Variants in SUMF1 observed in about 807,000 individuals in gnomAD.
The protein encoded by SUMF1 is formylglycine-generating enzyme.
SUMF1 carries 48 observed loss-of-function variants against 47.6 expected under a neutral mutation model. That is an observed-to-expected ratio of 1.01 (90% CI 0.80 to 1.28). The LOEUF is 1.28. Ranked by LOEUF, SUMF1 falls within the 50% of genes most tolerant of loss-of-function variation. The pLI is 0.00. For missense variants in SUMF1, 571 were observed against 485.4 expected (o/e 1.18, Z -1.66); for synonymous variants, 230 against 192.1 (o/e 1.20, Z -1.63).
intron 8 of SUMF1, among the ~76,000 whole-genome samples, chr3:4,136,369 G>A (rs1693932101): frequency 6.6e-6 from 1 of 152,238 alleles, no homozygotes; most frequent in South Asian, 2.1e-4. Context: ...AAGCAATGGG[G>A]AAAGGACTCC....
chr3:4,467,010 G>T lies in SUMF1; in HGVS notation c.236C>A (p.Pro79His). 1.3e-6 allele frequency: 2 copies of T among 1,595,514 alleles called. No individual in the cohort carries two copies. Among genetic ancestry groups the T allele is most frequent in the East Asian group, 2.3e-5 (1 of 44,104 alleles). The change falls in exon 1 of 9, where the codon CCC (proline) becomes CAC (histidine). Residue 79 changes from proline to histidine, a missense_variant. By Grantham distance (77) the Pro-to-His change is moderately conservative. Transcript: ENST00000272902. ...CGCGAGTTGCCGCTCTCCGGGTACG[G>T]GGCCCGGAGCGTTAGCCTCCCGCGA... ...RYSREANAPG[P>H]VPGERQLAHS...
chr3:4,268,499 C>CTT (rs61066874), intron 8 of SUMF1, among the ~76,000 whole-genome samples: 53 of 117,286 alleles, frequency 4.5e-4, no homozygotes, highest in African/African-American at 1.3e-3. Flanking sequence ...AAATGTTTTT[C>CTT]TTTTTTTTTT....
chr3:4,167,285 G>A (rs1234018537), intron 8 of SUMF1, among the ~76,000 whole-genome samples: 2 of 152,224 alleles, frequency 1.3e-5, no homozygotes, highest in South Asian at 2.1e-4. Flanking sequence ...GCTGGCTGGG[G>A]TGGCCAGCTT....
intron 8 of SUMF1, among the ~76,000 whole-genome samples, chr3:4,167,073 C>A (rs183147029): frequency 6.6e-6 from 1 of 152,110 alleles, no homozygotes; most frequent in Non-Finnish European, 1.5e-5. Context: ...GGATAAGCCC[C>A]CAAGATGTGT....
intron 8 of SUMF1, among the ~76,000 whole-genome samples, chr3:4,209,060 T>C (rs1695717862): frequency 6.6e-6 from 1 of 152,158 alleles, no homozygotes; most frequent in Non-Finnish European, 1.5e-5. Flanking sequence ...GTAGAATCAG[T>C]ATGATTTCTT....
At chr3:4,134,462 C>A (rs1693871636) in intron 8 of SUMF1, among the ~76,000 whole-genome samples, 2 of 152,060 alleles carry the variant, frequency 1.3e-5, no homozygotes, top group African/African-American at 4.8e-5. Flanking sequence ...GGGACACATT[C>A]AAAGCAGTGT....
In SUMF1 at chr3:4,361,874, C is replaced by T; in HGVS notation, c.*270G>A. On this transcript the variant is annotated 3_prime_UTR_variant, in exon 9 of 9. Coordinates refer to ENST00000272902, the MANE Select transcript of SUMF1 (RefSeq NM_182760.4). Reference sequence around the variant, plus strand: ...AGGACGCGGGCCTCCTGAAGCCTAGCTCAGGGTTCCCTCCACTCCCCTTCC... The same window carrying T: ...AGGACGCGGGCCTCCTGAAGCCTAGTTCAGGGTTCCCTCCACTCCCCTTCC... The T allele has an allele frequency of 2.3e-6, 1 of 440,866 alleles. No homozygotes were observed. Among genetic ancestry groups the T allele is most frequent in the Non-Finnish European group, 4.2e-6 (1 of 236,506 alleles). 27.3% of individuals were successfully genotyped at this position (440,866 alleles called of 1,614,324 possible). A position where few individuals can be genotyped will look rare whatever the true frequency, so the allele number is the denominator to read the frequency against.
At chr3:4,355,065 TGACGCCG>T (rs1299524880) in intron 8 of SUMF1, among the ~76,000 whole-genome samples, 1 of 152,164 alleles carries the variant, frequency 6.6e-6, no homozygotes, top group Non-Finnish European at 1.5e-5. Flanking sequence ...TTAAAGACAG[TGACGCCG>T]GACACAGTGG....
chr3:4,394,632 C>T (rs187069398), intron 7 of SUMF1, among the ~76,000 whole-genome samples: 14 of 152,274 alleles, frequency 9.2e-5, no homozygotes, highest in African/African-American at 3.4e-4. Context: ...TTATGTTTCT[C>T]GTTAGGATGT....
chr3:4,342,596 G>C (rs1183803692), intron 8 of SUMF1, among the ~76,000 whole-genome samples: 3 of 152,116 alleles, frequency 2.0e-5, no homozygotes, highest in East Asian at 1.9e-4. Context: ...TATATGGCTG[G>C]TTTCACATTT....
rs768223638 is a variant in SUMF1 at position 4,452,930 on chromosome 3, T to C, written c.390A>G (p.Glu130=). ...ACTTCTCAAATTCAGTATTACTGAC[T>C]TCATAGGCATCCATGTAAAAGGCAT... ...TIDAFYMDAY[E]VSNTEFEKFV... The change falls in exon 2 of 9, where the codon GAA becomes GAG. Residue 130 remains glutamate, a synonymous_variant. Transcript: ENST00000272902. The C allele has an allele frequency of 3.7e-6, 6 of 1,614,216 alleles. No homozygotes were observed. The highest frequency in any genetic ancestry group is 1.1e-5 in the South Asian group (1 of 91,084).
intron 3 of SUMF1, among the ~76,000 whole-genome samples, chr3:4,438,520 C>T (rs1016883234): frequency 6.6e-6 from 1 of 152,212 alleles, no homozygotes; most frequent in African/African-American, 2.4e-5. Context: ...GACCTGCCTT[C>T]AGCAAGAATC....
chr3:4,415,244 AACAG>A (rs1476955398), intron 6 of SUMF1, among the ~76,000 whole-genome samples: 9 of 151,542 alleles, frequency 5.9e-5, no homozygotes, highest in South Asian at 2.1e-4. Context: ...AAAAAAAAAA[AACAG>A]ACAGAAAAAT....
chr3:4,313,101 C>A, intron 8 of SUMF1: 1 of 1,614,002 alleles, frequency 6.2e-7, no homozygotes, highest in South Asian at 1.1e-5. Flanking sequence ...AATGCAATGT[C>A]CTGTGCCGAT....
intron 3 of SUMF1, among the ~76,000 whole-genome samples, chr3:4,433,805 G>C (rs1030843097): frequency 6.6e-6 from 1 of 152,186 alleles, no homozygotes; most frequent in Non-Finnish European, 1.5e-5. Context: ...AAGCCAGAAA[G>C]CAAATTGTCA....
At chr3:4,098,111 G>T (rs1168399375) in intron 8 of SUMF1, among the ~76,000 whole-genome samples, 1 of 152,032 alleles carries the variant, frequency 6.6e-6, no homozygotes, top group African/African-American at 2.4e-5. Context: ...CTCCAAAATT[G>T]CCTCATACTG....
At chr3:4,082,056 T>C (rs1344544078) in intron 8 of SUMF1, among the ~76,000 whole-genome samples, 3 of 152,178 alleles carry the variant, frequency 2.0e-5, no homozygotes, top group African/African-American at 4.8e-5. Context: ...GAATTGTGTA[T>C]AGATAGATAT....
chr3:4,123,415 A>G (rs181627947), intron 8 of SUMF1, among the ~76,000 whole-genome samples: 2 of 152,326 alleles, frequency 1.3e-5, no homozygotes, highest in East Asian at 3.9e-4. Flanking sequence ...GGGAGTGTCT[A>G]GATGGCATCC....
intron 8 of SUMF1, among the ~76,000 whole-genome samples, chr3:4,370,526 C>T (rs1249728380): frequency 6.6e-6 from 1 of 152,148 alleles, no homozygotes; most frequent in Non-Finnish European, 1.5e-5. Context: ...AGATGATATT[C>T]ATATGCCACA....
Sources: allele counts gnomAD v4.1 joint callset (sites outside exome capture counted in the v4.1 genomes callset), GRCh38; gene constraint gnomAD v4.1.1; transcripts MANE v1.5; gene names NCBI Gene and HGNC (gene_info 2026-07-23, HGNC 2026-07-21).